UBE2U: variants seen among roughly 807,000 people sequenced by gnomAD.
UBE2U encodes ubiquitin conjugating enzyme E2 U.
UBE2U carries 39 observed loss-of-function variants against 41.2 expected under a neutral mutation model. The observed-to-expected ratio is 0.95, with a 90% confidence interval of 0.73 to 1.24. The LOEUF (loss-of-function observed/expected upper bound fraction) is 1.24, where lower values mean the gene tolerates loss of function less well. UBE2U is among the 50% of genes most tolerant of loss of function. The pLI is 0.00. For synonymous variants in UBE2U, 107 were observed against 117.8 expected, an observed-to-expected ratio of 0.91 and a Z score of 0.60; for missense variants, 336 against 363.1, an observed-to-expected ratio of 0.93 and a Z score of 0.61.
chr1:64,209,307 C>T (rs1040954329), intron 3 of UBE2U, among the ~76,000 whole-genome samples: 1 of 152,062 alleles, frequency 6.6e-6, no homozygotes, highest in African/African-American at 2.4e-5. Context: ...TATAGGAAAA[C>T]TTGTGACTGC....
chr1:64,253,557 T>C (rs1302397554), intron 8 of UBE2U, among the ~76,000 whole-genome samples: 2 of 151,254 alleles, frequency 1.3e-5, no homozygotes, highest in African/African-American at 2.4e-5. Context: ...AGACTAACAG[T>C]GGACCTCTCA....
intron 7 of UBE2U, among the ~76,000 whole-genome samples, chr1:64,240,205 T>C (rs7530038): frequency 0.17 from 25,520 of 152,144 alleles, 2,815 homozygotes; most frequent in Non-Finnish European, 0.24. Flanking sequence ...AGTAAGCCCA[T>C]TTGCATCTTT....
At chr1:64,231,474 G>T (rs1342137492) in intron 6 of UBE2U, among the ~76,000 whole-genome samples, 2 of 152,200 alleles carry the variant, frequency 1.3e-5, no homozygotes, top group African/African-American at 4.8e-5. Context: ...GTCATCTACA[G>T]CACAGCATGC....
intron 4 of UBE2U, among the ~76,000 whole-genome samples, chr1:64,214,541 A>G (rs1425294675): frequency 2.6e-5 from 4 of 152,212 alleles, no homozygotes; most frequent in Non-Finnish European, 5.9e-5. Flanking sequence ...TTTAAATTCA[A>G]TGTAAATGTA....
rs768561715 is a variant in UBE2U, at chr1:64,210,784, AC to A, written c.287del (p.Pro96LeufsTer10). On this transcript the variant is annotated frameshift_variant, in exon 4 of 10. Coordinates refer to ENST00000371077, the MANE Select transcript of UBE2U (RefSeq NM_001366232.2). LOFTEE classifies it high-confidence loss of function. ...CAGCCCTGTATAGACTTTTTGGACAACCCTGAGAAGTGGAATACAAACTATA... is the reference window on the plus strand; with the variant it reads ...CAGCCCTGTATAGACTTTTTGGACAACCTGAGAAGTGGAATACAAACTATA... ...TGQPCIDFLD[N>X]PEKWNTNYTL... is the part of the protein sequence containing the mutation. The A allele has an allele frequency of 3.4e-4, 553 of 1,607,628 alleles. No individual in the cohort carries two copies. Among genetic ancestry groups the A allele is most frequent in the East Asian group, 8.3e-4 (37 of 44,612 alleles).
At position 64,203,841 on chromosome 1, in the gene UBE2U, G is replaced by A. The variant is rs1651121933; in HGVS notation, c.-210G>A. On this transcript the variant is annotated 5_prime_UTR_variant, in exon 1 of 10. Transcript: ENST00000371077. ...AGGAAGTGCCCAAGTCTTCCTTCGG[G>A]AAGTTCTCGTTTAGAGGAGTCAGGA... is the stretch of plus-strand genomic sequence containing the variant. 2.4e-6 allele frequency: 1 copy of A among 423,548 alleles called. No homozygotes were observed. The highest frequency in any genetic ancestry group is 4.2e-6 in the Non-Finnish European group (1 of 237,242). 26.2% of individuals were successfully genotyped at this position (423,548 alleles called of 1,614,324 possible).
At chr1:64,212,488 C>T (rs1651720174) in intron 4 of UBE2U, among the ~76,000 whole-genome samples, 1 of 152,130 alleles carries the variant, frequency 6.6e-6, no homozygotes, top group African/African-American at 2.4e-5. Flanking sequence ...ATTTCTTCAT[C>T]AGTAAAATGG....
chr1:64,243,427 T>C (rs1644868578), intron 8 of UBE2U, among the ~76,000 whole-genome samples: 1 of 152,142 alleles, frequency 6.6e-6, no homozygotes, highest in African/African-American at 2.4e-5. Flanking sequence ...TCAAAATACA[T>C]GGGGTATGAT....
rs1652408654 is a variant in UBE2U, at chr1:64,220,924, A to G, written c.506+17A>G. 2 of 1,571,758 alleles carry G rather than the reference A, an allele frequency of 1.3e-6. No individual in the cohort carries two copies. Among genetic ancestry groups the G allele is most frequent in the South Asian group, 2.3e-5 (2 of 86,354 alleles). On this transcript the variant is annotated intron_variant, in intron 6 of 9. Transcript: ENST00000371077. ...ATGTATCAGGTAAGTTTTTCTTTATACAATTTATGTCGATTTATTTACCAA... is the reference window on the plus strand; with the variant it reads ...ATGTATCAGGTAAGTTTTTCTTTATGCAATTTATGTCGATTTATTTACCAA...
chr1:64,212,133 G>A (rs1311131210), intron 4 of UBE2U, among the ~76,000 whole-genome samples: 1 of 152,176 alleles, frequency 6.6e-6, no homozygotes, highest in Non-Finnish European at 1.5e-5. Context: ...CTACTTGTGT[G>A]AGGTTGTGTT....
At chr1:64,246,093 T>C (rs907494749) in intron 8 of UBE2U, among the ~76,000 whole-genome samples, 9 of 152,210 alleles carry the variant, frequency 5.9e-5, no homozygotes, top group African/African-American at 2.2e-4. Flanking sequence ...TTGTGTTTTT[T>C]CTCAATATTA....
intron 9 of UBE2U, among the ~76,000 whole-genome samples, chr1:64,262,428 G>A (rs1645192332): frequency 6.6e-6 from 1 of 152,106 alleles, no homozygotes; most frequent in Non-Finnish European, 1.5e-5. Context: ...GCTTTGGCTG[G>A]GCTGCATTCT....
At chr1:64,212,339 A>G (rs1407992359) in intron 4 of UBE2U, among the ~76,000 whole-genome samples, 1 of 152,218 alleles carries the variant, frequency 6.6e-6, no homozygotes, top group Non-Finnish European at 1.5e-5. Context: ...GAACTGGTGA[A>G]AATTTTGAAT....
At chr1:64,208,298 T>C (rs879345586) in intron 3 of UBE2U, among the ~76,000 whole-genome samples, 2 of 151,544 alleles carry the variant, frequency 1.3e-5, no homozygotes, top group Non-Finnish European at 2.9e-5. Context: ...TGTGCAAGAG[T>C]GTGTTATATT....
In UBE2U at chr1:64,227,243, T is replaced by G. The variant is rs1652932648; in HGVS notation, c.507-5318T>G. Reference sequence around the variant, plus strand: ...AGTATGTCTACTACCACCACTTCTATTCAACATTGTACTGGAGGTTCTAGC... The same window carrying G: ...AGTATGTCTACTACCACCACTTCTAGTCAACATTGTACTGGAGGTTCTAGC... On this transcript the variant is annotated intron_variant, in intron 6 of 9. Transcript: ENST00000371077. Among the ~76,000 whole-genome samples the G allele has an allele frequency of 2.6e-5, 4 of 152,322 alleles. No individual in the cohort carries two copies. The South Asian group carries it at 6.2e-4, about 24-fold the overall frequency.
At chr1:64,251,665 C>A (rs904487216) in intron 8 of UBE2U, among the ~76,000 whole-genome samples, 3 of 152,122 alleles carry the variant, frequency 2.0e-5, no homozygotes, top group African/African-American at 7.2e-5. Context: ...AGTGTGTGAC[C>A]CTGCCCAGGA....
intron 8 of UBE2U, among the ~76,000 whole-genome samples, chr1:64,259,878 C>T (rs1008736239): frequency 6.6e-6 from 1 of 151,824 alleles, no homozygotes; most frequent in Non-Finnish European, 1.5e-5. Context: ...CATGTCCCCA[C>T]AAAACAAACA....
intron 8 of UBE2U, among the ~76,000 whole-genome samples, chr1:64,242,105 T>TTTTCATCCTTTTTGTAGCTCCAAACA (rs1557735008): frequency 1.3e-5 from 2 of 152,116 alleles, no homozygotes; most frequent in Non-Finnish European, 2.9e-5. Context: ...ATCAATTAGC[T>TTTTCATCCTTTTTGTAGCTCCAAACA]TTTCATCCTT....
intron 7 of UBE2U, among the ~76,000 whole-genome samples, chr1:64,234,391 G>A (rs187893148): frequency 2.8e-3 from 424 of 152,110 alleles, no homozygotes; most frequent in African/African-American, 9.8e-3. Flanking sequence ...GCAACATTAT[G>A]AATGCTTCCA....
Sources: allele counts gnomAD v4.1 joint callset (sites outside exome capture counted in the v4.1 genomes callset), GRCh38; gene constraint gnomAD v4.1.1; transcripts MANE v1.5; gene names NCBI Gene and HGNC (gene_info 2026-07-23, HGNC 2026-07-21).